The following SLIRP variants were observed in gnomAD, a reference collection of about 807,000 sequenced individuals.
The protein encoded by SLIRP is SRA stem-loop interacting RNA binding protein.
SLIRP carries 12 observed loss-of-function variants against 13.4 expected under a neutral mutation model. The ratio of observed to expected loss-of-function variants is 0.89; its 90% CI spans 0.57 to 1.45. SLIRP has a LOEUF of 1.45. Ranked by LOEUF, SLIRP falls within the 40% of genes most tolerant of loss-of-function variation. The pLI, the probability that SLIRP is intolerant of heterozygous loss-of-function variation, is 0.00. For synonymous variants in SLIRP, 55 were observed against 47.1 expected (o/e 1.17, Z -0.69); for missense variants, 154 against 132.2 (o/e 1.17, Z -0.81).
chr14:77,710,964 A>C, intron 2 of SLIRP, 68 bp downstream of exon 2: 1 of 1,321,764 alleles, frequency 7.6e-7, no homozygotes, highest in Non-Finnish European at 1.1e-6. Context: ...TAGAATGAAT[A>C]AGACCTATTT....
At chr14:77,711,238 A>G (rs1229507053) in intron 2 of SLIRP, among the ~76,000 whole-genome samples, 9 of 147,858 alleles carry the variant, frequency 6.1e-5, no homozygotes. Flanking sequence ...TATACACCTA[A>G]TAATATATAA....
At position 77,715,916 on chromosome 14, in the gene SLIRP, A is replaced by C. The variant is rs1395296953; in HGVS notation, c.264+37A>C. The C allele has an allele frequency of 3.0e-6, 4 of 1,328,132 alleles. No homozygotes were observed. In the Admixed American group the frequency reaches 6.9e-5, roughly 23 times the overall value. 82.3% of individuals were successfully genotyped at this position (1,328,132 alleles called of 1,614,324 possible). On this transcript the variant is annotated intron_variant, in intron 3 of 3. Transcript: ENST00000557342. ...TCTATGCCAGATACATACATGATAT[A>C]CATGTAGGTACTATTTAATTATGTA...
In SLIRP at chr14:77,708,161, A is replaced by C; in HGVS notation, c.50A>C (p.Asn17Thr). ...RGAAALRRSI[N>T]QPVAFVRRIP... ...GCTGCGGCGCTGCGTAGAAGTATCA[A>C]TCAGCCGGTTGCTTTTGTGAGAAGA... The change falls in exon 1 of 4, where the codon AAT (asparagine) becomes ACT (threonine). Residue 17 changes from asparagine (N) to threonine (T), a missense_variant. Coordinates refer to ENST00000557342, the MANE Select transcript of SLIRP (RefSeq NM_031210.6). 1 of 1,614,210 alleles carries C rather than the reference A, an allele frequency of 6.2e-7. No individual in the cohort carries two copies. The highest frequency in any genetic ancestry group is 8.5e-7 in the Non-Finnish European group (1 of 1,180,030).
At chr14:77,710,024 C>T (rs564387660) in intron 1 of SLIRP, among the ~76,000 whole-genome samples, 1 of 152,148 alleles carries the variant, frequency 6.6e-6, no homozygotes, top group Admixed American at 6.5e-5. Flanking sequence ...AATTGTTGAA[C>T]CAGTGAGGTT....
At chr14:77,709,890 T>C (rs542087304) in intron 1 of SLIRP, among the ~76,000 whole-genome samples, 1 of 152,346 alleles carries the variant, frequency 6.6e-6, no homozygotes, top group South Asian at 2.1e-4. Flanking sequence ...AGTGGACTTT[T>C]ACTTATTCAT....
intron 3 of SLIRP, 43 bp from the exon 4 acceptor site, chr14:77,717,453 G>GCAGA (rs1455538931): frequency 6.5e-7 from 1 of 1,536,234 alleles, no homozygotes; most frequent in African/African-American, 1.4e-5. Context: ...GAATGTTTTT[G>GCAGA]CAGACATTGC....
rs2080473163 is a variant in SLIRP at position 77,715,874 on chromosome 14, G to A, written c.259G>A (p.Val87Ile). The change falls in exon 3 of 4, where the codon GTA (valine) becomes ATA (isoleucine). Residue 87 changes from valine (V) to isoleucine (I), a missense_variant. Physicochemically the swap from Val to Ile is conservative, Grantham distance 29. Coordinates refer to ENST00000557342, the MANE Select transcript of SLIRP (RefSeq NM_031210.6). ...LQQENHIIDG[V>I]KVQVHTRRPK... ...ACAGGAAAATCATATTATAGATGGA[G>A]TAAAGGTAAATTTATTTCTATGCCA... 6.2e-7 allele frequency: 1 copy of A among 1,609,840 alleles called. No individual in the cohort carries two copies. Among genetic ancestry groups the A allele is most frequent in the Non-Finnish European group, 8.5e-7 (1 of 1,176,370 alleles).
At chr14:77,708,342 A>G in intron 1 of SLIRP, 134 bp downstream of exon 1, 1 of 876,832 alleles carries the variant, frequency 1.1e-6, no homozygotes. Context: ...AAGTGAGCAG[A>G]AAGAAATTTT....
At position 77,708,180 on chromosome 14, in the gene SLIRP, G is replaced by C. The variant is rs374137941; in HGVS notation, c.69G>C (p.Val23=). 3.7e-6 allele frequency: 6 copies of C among 1,614,082 alleles called. No homozygotes were observed. In the African/African-American group the frequency reaches 8.0e-5, roughly 22 times the overall value. The part of the protein sequence containing the change: ...RRSINQPVAF[V]RRIPWTAASS... ...GTATCAATCAGCCGGTTGCTTTTGT[G>C]AGAAGAATTCCTTGGACTGCGGCGT... The change falls in exon 1 of 4, where the codon GTG becomes GTC. Residue 23 remains valine (V), a synonymous_variant. Transcript: ENST00000557342.
intron 2 of SLIRP, among the ~76,000 whole-genome samples, chr14:77,711,406 C>A (rs2080439629): frequency 6.6e-6 from 1 of 152,132 alleles, no homozygotes; most frequent in South Asian, 2.1e-4. Flanking sequence ...CTCACTGCAG[C>A]CTCTGCCTCC....
intron 2 of SLIRP, 83 bp downstream of exon 2, chr14:77,710,979 G>A: frequency 1.8e-6 from 2 of 1,102,994 alleles, no homozygotes; most frequent in Non-Finnish European, 2.8e-6. Context: ...CTATTTGATA[G>A]TACAACAGGG....
rs2080498042 is a variant in SLIRP, at chr14:77,717,576, A to G, written c.*15A>G. ...AAGATTTTTGAGACTGCAGCCTATTAATAAAGTTAACATAACTGAGAATTT... is the reference window on the plus strand; with the variant it reads ...AAGATTTTTGAGACTGCAGCCTATTGATAAAGTTAACATAACTGAGAATTT... On this transcript the variant is annotated 3_prime_UTR_variant, in exon 4 of 4. Transcript: ENST00000557342. 1 of 1,602,576 alleles carries G rather than the reference A, an allele frequency of 6.2e-7. No homozygotes were observed. The highest frequency in any genetic ancestry group is 1.7e-5 in the Admixed American group (1 of 59,078).
intron 1 of SLIRP, chr14:77,710,606 C>T: frequency 6.6e-7 from 1 of 1,507,392 alleles, no homozygotes; most frequent in Non-Finnish European, 8.9e-7. Context: ...TCGATATTTG[C>T]TGAGGATGGA....
chr14:77,717,550 A>T lies in SLIRP; in HGVS notation c.319A>T (p.Lys107Ter), dbSNP rs772229374. 6.2e-7 allele frequency: 1 copy of T among 1,613,888 alleles called. No homozygotes were observed. Among genetic ancestry groups the T allele is most frequent in the Non-Finnish European group, 8.5e-7 (1 of 1,179,824 alleles). ...KLPQTSDDEK[K>*]DF ...TCCGCAAACATCTGATGATGAAAAG[A>T]AAGATTTTTGAGACTGCAGCCTATT... Residue 107 changes from lysine to a stop codon, truncating the protein, a stop_gained, in exon 4 of 4, where the codon AAA becomes TAA. Transcript: ENST00000557342. LOFTEE classifies it high-confidence loss of function.
Position 77,710,952 on chromosome 14 carries a change from A to G in SLIRP, c.156+56A>G. 13 of 1,430,292 alleles carry G rather than the reference A, an allele frequency of 9.1e-6. No individual in the cohort carries two copies. The South Asian group carries it at 1.5e-4, about 16-fold the overall frequency. The allele number at this position is 1,430,292 out of a possible 1,614,324, so 88.6% of individuals were successfully genotyped here. ...GGGGATGGCTAATGGGTACAAAAAA[A>G]ATAGAATGAATAAGACCTATTTGAT... is the stretch of plus-strand genomic sequence containing the variant. On this transcript the variant is annotated intron_variant, in intron 2 of 3. Coordinates refer to ENST00000557342, the MANE Select transcript of SLIRP (RefSeq NM_031210.6).
intron 2 of SLIRP, among the ~76,000 whole-genome samples, chr14:77,712,904 C>G (rs961933579): frequency 7.2e-5 from 11 of 152,174 alleles, no homozygotes; most frequent in African/African-American, 2.2e-4. Flanking sequence ...TTAAAGCCAG[C>G]AAGGGCTTCT....
intron 1 of SLIRP, among the ~76,000 whole-genome samples, chr14:77,708,523 G>A (rs1042145259): frequency 2.6e-5 from 4 of 152,186 alleles, no homozygotes; most frequent in Non-Finnish European, 5.9e-5. Context: ...AAGGTGGCAA[G>A]ATTGTAGGCG....
rs752149520 is a variant in SLIRP, at chr14:77,715,876, A to G, written c.261A>G (p.Val87=). The G allele has an allele frequency of 9.3e-6, 15 of 1,609,574 alleles. No individual in the cohort carries two copies. The highest frequency in any genetic ancestry group is 1.7e-5 in the Admixed American group (1 of 59,958). ...LQQENHIIDG[V]KVQVHTRRPK... is the part of the protein sequence containing the mutation. Reference sequence around the variant, plus strand: ...AGGAAAATCATATTATAGATGGAGTAAAGGTAAATTTATTTCTATGCCAGA... The same window carrying G: ...AGGAAAATCATATTATAGATGGAGTGAAGGTAAATTTATTTCTATGCCAGA... Residue 87 remains valine (V), a synonymous_variant, in exon 3 of 4, where the codon GTA becomes GTG. Transcript: ENST00000557342.
In SLIRP at chr14:77,710,865, TC is replaced by T. The variant is rs1165910055; in HGVS notation, c.126del (p.Phe42LeufsTer43). 1 of 1,614,134 alleles carries T rather than the reference TC, an allele frequency of 6.2e-7. No individual in the cohort carries two copies. The highest frequency in any genetic ancestry group is 8.5e-7 in the Non-Finnish European group (1 of 1,180,022). ...SSQLKEHFAQFGHVRRCILPF... is the reference protein window; with the variant it reads ...SSQLKEHFAQXGHVRRCILPF... The stretch of plus-strand genomic sequence containing the variant: ...CAGCTGAAAGAACACTTTGCACAGT[TC>T]GGCCATGTCAGAAGGTGCATTTTAC... On this transcript the variant is annotated frameshift_variant, in exon 2 of 4. Coordinates refer to ENST00000557342, the MANE Select transcript of SLIRP (RefSeq NM_031210.6). LOFTEE classifies it high-confidence loss of function.
Sources: gnomAD v4.1 joint callset for allele counts (sites outside exome capture counted in the v4.1 genomes callset) on GRCh38, gnomAD v4.1.1 for gene constraint, MANE v1.5 for transcripts, NCBI Gene and HGNC (gene_info 2026-07-23, HGNC 2026-07-21) for gene names.